The following SHOC1 variants were observed in gnomAD, a reference collection of about 807,000 sequenced individuals.
The protein encoded by SHOC1 is protein shortage in chiasmata 1 ortholog.
In SHOC1, 136 loss-of-function variants were observed where a neutral mutation model predicts 179.2. That is an observed-to-expected ratio of 0.76 (90% CI 0.66 to 0.87). SHOC1 has a LOEUF of 0.87. Ranked by LOEUF, SHOC1 falls within the 40% of genes least tolerant of loss-of-function variation. The pLI is 0.00. For synonymous variants in SHOC1, 489 were observed against 586.6 expected, an observed-to-expected ratio of 0.83 and a Z score of 2.41; for missense variants, 1,538 against 1,700.8, an observed-to-expected ratio of 0.90 and a Z score of 1.68.
At chr9:111,776,049 C>A in intron 4 of SHOC1, 74 bp from the exon 5 acceptor site, 11 of 1,116,744 alleles carry the variant, frequency 9.9e-6, no homozygotes, top group Non-Finnish European at 1.4e-5. Context: ...TAATATATGT[C>A]CACTGTGGAA....
intron 3 of SHOC1, among the ~76,000 whole-genome samples, chr9:111,782,392 G>A (rs867022932): frequency 1.3e-5 from 2 of 151,882 alleles, no homozygotes; most frequent in East Asian, 3.9e-4. Flanking sequence ...TCAGAGTGTC[G>A]TTGTAAAGAT....
intron 2 of SHOC1, among the ~76,000 whole-genome samples, chr9:111,786,503 ATTTTT>A (rs34413616): frequency 8.2e-5 from 9 of 110,242 alleles, no homozygotes; most frequent in Non-Finnish European, 1.2e-4. Flanking sequence ...TGCTCTGCAG[ATTTTT>A]TTTTTTTTTT....
In SHOC1 at chr9:111,705,345, T is replaced by C; in HGVS notation, c.2757A>G (p.Arg919=). The change falls in exon 21 of 28, where the codon AGA becomes AGG. Residue 919 remains arginine, a synonymous_variant. Transcript: ENST00000682961. ...GAATTTCCAAAAGAAAACCTCCAAA[T>C]CTATCCAGCAAGGTGCTTCCTAAAT... ...TVLERSTLLD[R]FGGFLLEIQI... 6.4e-7 allele frequency: 1 copy of C among 1,563,922 alleles called. No individual in the cohort carries two copies. The highest frequency in any genetic ancestry group is 8.7e-7 in the Non-Finnish European group (1 of 1,154,788).
intron 15 of SHOC1, among the ~76,000 whole-genome samples, chr9:111,720,708 C>T (rs1181360426): frequency 2.6e-5 from 4 of 152,054 alleles, no homozygotes; most frequent in African/African-American, 9.7e-5. Context: ...TTCAAGTTAA[C>T]TTTTTCTTCT....
intron 12 of SHOC1, 89 bp downstream of exon 12, chr9:111,738,191 T>C (rs773772248): frequency 8.1e-7 from 1 of 1,233,906 alleles, no homozygotes; most frequent in Non-Finnish European, 1.1e-6. Flanking sequence ...ACCTAGTGAT[T>C]TTCCCAATTA....
chr9:111,784,390 C>A (rs1213315332), intron 3 of SHOC1, among the ~76,000 whole-genome samples: 2 of 152,092 alleles, frequency 1.3e-5, no homozygotes, highest in Non-Finnish European at 2.9e-5. Flanking sequence ...GTAAAATAAG[C>A]TAGATTTTAA....
intron 20 of SHOC1, among the ~76,000 whole-genome samples, chr9:111,705,616 C>G (rs575588323): frequency 6.6e-6 from 1 of 151,804 alleles, no homozygotes; most frequent in East Asian, 1.9e-4. Context: ...TATTTCCAGA[C>G]TTTTTTCAGT....
intron 8 of SHOC1, among the ~76,000 whole-genome samples, chr9:111,748,975 TCC>T (rs1168740488): frequency 1.9e-4 from 1 of 5,330 alleles, no homozygotes; most frequent in East Asian, 7.6e-3. Flanking sequence ...TATTTTCCCC[TCC>T]CTCCCTCCCT....
chr9:111,770,800 T>G (rs1456140575), intron 5 of SHOC1, among the ~76,000 whole-genome samples: 1 of 152,174 alleles, frequency 6.6e-6, no homozygotes. Flanking sequence ...TTTACAATCT[T>G]AGATTTGTAG....
At position 111,697,202 on chromosome 9, in the gene SHOC1, T is replaced by G. The variant is rs187885872; in HGVS notation, c.3183+2752A>C. On this transcript the variant is annotated intron_variant, in intron 24 of 27. Transcript: ENST00000682961. ...TTTCTTTTCTCTCCTTTTTTTTTTTTTAATTATACTTTAAGTTCTAGAGTA... is the reference window on the plus strand; with the variant it reads ...TTTCTTTTCTCTCCTTTTTTTTTTTGTAATTATACTTTAAGTTCTAGAGTA... Among the ~76,000 whole-genome samples, 51 of 151,948 alleles carry G rather than the reference T, an allele frequency of 3.4e-4. No individual in the cohort carries two copies. The East Asian group carries it at 9.9e-3, about 29-fold the overall frequency.
At chr9:111,775,741 G>A in intron 5 of SHOC1, 50 bp downstream of exon 5, 2 of 1,479,192 alleles carry the variant, frequency 1.4e-6, no homozygotes, top group Middle Eastern at 1.8e-4. Context: ...AAAAGAATAT[G>A]TGTATATCAG....
chr9:111,719,019 T>C (rs2131400835), intron 15 of SHOC1, among the ~76,000 whole-genome samples: 1 of 152,242 alleles, frequency 6.6e-6, no homozygotes, highest in Admixed American at 6.5e-5. Flanking sequence ...AGTTTGCAAA[T>C]TGATGATCTA....
rs373588700 is a variant in SHOC1, at chr9:111,743,928, A to T, written c.1079+2306T>A. Among the ~76,000 whole-genome samples the T allele has an allele frequency of 1.7e-3, 259 of 152,264 alleles. 3 individuals carry two copies. The South Asian group carries it at 0.022, about 13-fold the overall frequency. ...TGGTAAATGTAGTAGTGAGGGGAAA[A>T]CTTCTTTCAGTTGTTTCAAATGGCT... On this transcript the variant is annotated intron_variant, in intron 10 of 27. Coordinates refer to ENST00000682961, the MANE Select transcript of SHOC1 (RefSeq NM_001378211.1).
At chr9:111,699,619 T>G (rs955039262) in intron 24 of SHOC1, among the ~76,000 whole-genome samples, 2 of 152,170 alleles carry the variant, frequency 1.3e-5, no homozygotes, top group African/African-American at 4.8e-5. Flanking sequence ...GTATATGTCT[T>G]AAGAGTTCCA....
intron 23 of SHOC1, 34 bp downstream of exon 23, chr9:111,702,071 G>A (rs201090746): frequency 1.0e-4 from 143 of 1,406,826 alleles, no homozygotes; most frequent in Admixed American, 2.9e-4. Context: ...TAAGAAATAC[G>A]AACATAACTT....
intron 12 of SHOC1, among the ~76,000 whole-genome samples, chr9:111,731,434 A>C (rs1242657790): frequency 6.6e-6 from 1 of 152,168 alleles, no homozygotes; most frequent in Non-Finnish European, 1.5e-5. Flanking sequence ...TAGGGTTATT[A>C]ATTGGCCTAA....
At chr9:111,719,878 A>G (rs1467727890) in intron 15 of SHOC1, among the ~76,000 whole-genome samples, 1 of 152,200 alleles carries the variant, frequency 6.6e-6, no homozygotes, top group East Asian at 1.9e-4. Flanking sequence ...TTAACCTTTA[A>G]AAAATATATA....
intron 27 of SHOC1, among the ~76,000 whole-genome samples, chr9:111,689,323 C>T (rs1248612966): frequency 7.3e-6 from 1 of 136,062 alleles, no homozygotes; most frequent in East Asian, 2.2e-4. Flanking sequence ...CAGAGCAAGA[C>T]TCTGTCAATA....
intron 3 of SHOC1, among the ~76,000 whole-genome samples, chr9:111,781,754 T>TAATTAATTAA (rs1564169047): frequency 2.0e-5 from 1 of 49,276 alleles, no homozygotes. Flanking sequence ...ATAAATAAAT[T>TAATTAATTAA]TGTATGTGTA....
Sources: allele counts gnomAD v4.1 joint callset (sites outside exome capture counted in the v4.1 genomes callset), GRCh38; gene constraint gnomAD v4.1.1; transcripts MANE v1.5; gene names NCBI Gene and HGNC (gene_info 2026-07-23, HGNC 2026-07-21).